DNAJC21: variants seen among roughly 807,000 people sequenced by gnomAD.
The protein encoded by DNAJC21 is dnaJ homolog subfamily C member 21.
A neutral mutation model predicts 72.4 loss-of-function variants in DNAJC21; 63 were observed. That is an observed-to-expected ratio of 0.87 (90% CI 0.71 to 1.07). The LOEUF (loss-of-function observed/expected upper bound fraction) is 1.07. DNAJC21 is among the 50% of genes least tolerant of loss of function. The pLI is 0.00. For missense variants in DNAJC21, 634 were observed against 644.8 expected (o/e 0.98, Z 0.18); for synonymous variants, 203 against 216.7 (o/e 0.94, Z 0.56).
chr5:34,935,428 G>T (rs1296037947), intron 2 of DNAJC21, among the ~76,000 whole-genome samples: 1 of 152,170 alleles, frequency 6.6e-6, no homozygotes, highest in Non-Finnish European at 1.5e-5. Flanking sequence ...GGAAGTACGG[G>T]ACTCAGAGAC....
At chr5:34,952,153 A>G (rs1247368369) in intron 10 of DNAJC21, 1 of 928,630 alleles carries the variant, frequency 1.1e-6, no homozygotes, top group Non-Finnish European at 1.3e-6. Flanking sequence ...GTGTGTGTAT[A>G]GTATTTTTAA....
intron 3 of DNAJC21, 113 bp downstream of exon 3, chr5:34,935,946 GA>G: frequency 6.8e-7 from 1 of 1,473,522 alleles, no homozygotes; most frequent in Non-Finnish European, 9.2e-7. Context: ...TGTTCATTTT[GA>G]AAACTGAAGA....
At chr5:34,947,631 A>AGT (rs999029927) in intron 9 of DNAJC21, among the ~76,000 whole-genome samples, 4 of 148,502 alleles carry the variant, frequency 2.7e-5, no homozygotes, top group Admixed American at 6.7e-5. Flanking sequence ...CAGCTTTATC[A>AGT]GTGTAGACAT....
chr5:34,952,959 G>T (rs1765425662), intron 10 of DNAJC21, among the ~76,000 whole-genome samples: 1 of 151,982 alleles, frequency 6.6e-6, no homozygotes, highest in African/African-American at 2.4e-5. Context: ...GACCATCCTG[G>T]CCAATATGGT....
At chr5:34,933,511 A>G (rs1764667533) in intron 1 of DNAJC21, among the ~76,000 whole-genome samples, 1 of 152,144 alleles carries the variant, frequency 6.6e-6, no homozygotes, top group East Asian at 1.9e-4. Context: ...CCTGACCTCA[A>G]GTAATCCACC....
In DNAJC21 at chr5:34,940,874, ATCT is replaced by A. The variant is rs1479610780; in HGVS notation, c.896-215_896-213del. 5.9e-5 allele frequency among the ~76,000 whole-genome samples: 9 copies of A among 152,212 alleles called. 1 individual carries two copies. The highest frequency in any genetic ancestry group is 3.3e-4 in the Admixed American group (5 of 15,276). On this transcript the variant is annotated intron_variant, in intron 6 of 11. Coordinates refer to ENST00000648817, the MANE Select transcript of DNAJC21 (RefSeq NM_001012339.3). ...ATCCAAGACTTTAAAGATGTTTTAT[ATCT>A]TCTTCTAAGTAGACTTAGGAAAAGA...
intron 5 of DNAJC21, 42 bp downstream of exon 5, chr5:34,937,672 G>A: frequency 1.3e-6 from 2 of 1,567,454 alleles, no homozygotes; most frequent in South Asian, 2.4e-5. Context: ...TATCGGTGGG[G>A]GTCAGAGGCA....
At chr5:34,950,057 C>T (rs1765308042) in intron 9 of DNAJC21, 113 bp from the exon 10 acceptor site, 2 of 1,205,556 alleles carry the variant, frequency 1.7e-6, no homozygotes, top group Non-Finnish European at 2.2e-6. Flanking sequence ...TCTTAACTTA[C>T]CTGCTTCTCC....
chr5:34,954,585 T>C lies in DNAJC21; in HGVS notation c.1467T>C (p.Ser489=). Residue 489 remains serine (S), a synonymous_variant, in exon 12 of 12, where the codon AGT becomes AGC. Transcript: ENST00000648817. ...SVLISCTTCH[S]EFPSRNKLFD... ...TTATCAGCTGTACAACCTGCCATAG[T>C]GAATTTCCATCTCGGAATAAACTTT... The C allele has an allele frequency of 6.2e-7, 1 of 1,613,152 alleles. No individual in the cohort carries two copies. The highest frequency in any genetic ancestry group is 1.1e-5 in the South Asian group (1 of 90,888).
chr5:34,954,543 C>A lies in DNAJC21; in HGVS notation c.1435-10C>A. On this transcript the variant is annotated splice_polypyrimidine_tract_variant and intron_variant, in intron 11 of 11. Coordinates refer to ENST00000648817, the MANE Select transcript of DNAJC21 (RefSeq NM_001012339.3). ...GCTTACTTTTATTTATGATTTTTTG[C>A]CCTTCTCAGAGTGTTCTTATCAGCT... 6.3e-7 allele frequency: 1 copy of A among 1,584,244 alleles called. No homozygotes were observed.
intron 1 of DNAJC21, among the ~76,000 whole-genome samples, chr5:34,933,420 C>T (rs1764664928): frequency 6.6e-6 from 1 of 152,128 alleles, no homozygotes; most frequent in South Asian, 2.1e-4. Flanking sequence ...TACAGGCATG[C>T]GCCACCACAC....
chr5:34,954,674 C>CA lies in DNAJC21; in HGVS notation c.1558dup (p.Ser520LysfsTer2), dbSNP rs1276195107. 2 of 1,611,428 alleles carry CA rather than the reference C, an allele frequency of 1.2e-6. No individual in the cohort carries two copies. Among genetic ancestry groups the CA allele is most frequent in the East Asian group, 4.5e-5 (2 of 44,704 alleles). On this transcript the variant is annotated frameshift_variant, in exon 12 of 12. Coordinates refer to ENST00000648817, the MANE Select transcript of DNAJC21 (RefSeq NM_001012339.3). LOFTEE classifies it high-confidence loss of function. ...TCATCATCGTCTTTAAACAGCGCAA[C>CA]AAGTAGTCAAAGCAAGAAAGAGAAA...
At chr5:34,944,384 A>T (rs966266475) in intron 7 of DNAJC21, among the ~76,000 whole-genome samples, 1 of 152,244 alleles carries the variant, frequency 6.6e-6, no homozygotes, top group Admixed American at 6.5e-5. Context: ...TAACATTAAA[A>T]TGTGTGTCTT....
intron 4 of DNAJC21, among the ~76,000 whole-genome samples, chr5:34,936,948 A>C (rs1201371559): frequency 6.6e-6 from 1 of 151,948 alleles, no homozygotes; most frequent in Non-Finnish European, 1.5e-5. Flanking sequence ...ACAGGATTTC[A>C]TCATGTTGGC....
At chr5:34,951,012 G>T (rs1376764622) in intron 10 of DNAJC21, 1 of 985,480 alleles carries the variant, frequency 1.0e-6, no homozygotes, top group Non-Finnish European at 1.2e-6. Context: ...ACCCTGAAAA[G>T]AATTAAAGTG....
At chr5:34,941,036 C>A in intron 6 of DNAJC21, 60 bp from the exon 7 acceptor site, 1 of 1,260,202 alleles carries the variant, frequency 7.9e-7, no homozygotes. Flanking sequence ...AATTTGTTAG[C>A]ATATTTTAGA....
intron 10 of DNAJC21, chr5:34,952,097 C>T (rs1765387470): frequency 1.0e-6 from 1 of 984,778 alleles, no homozygotes; most frequent in Non-Finnish European, 1.2e-6. Flanking sequence ...ACACTGGCCA[C>T]CTACTGAGAA....
In DNAJC21 at chr5:34,945,088, T is replaced by G. The variant is rs940588203; in HGVS notation, c.1142+63T>G. 37 of 1,548,798 alleles carry G rather than the reference T, an allele frequency of 2.4e-5. No individual in the cohort carries two copies. In the Middle Eastern group the frequency reaches 1.6e-3, roughly 67 times the overall value. ...CACATTCAGAGATTGCATTAAAAGG[T>G]TTTTTTTGAGATGGAGAATCACTCT... is the stretch of plus-strand genomic sequence containing the variant. On this transcript the variant is annotated intron_variant, in intron 8 of 11. Coordinates refer to ENST00000648817, the MANE Select transcript of DNAJC21 (RefSeq NM_001012339.3).
chr5:34,937,643 C>A lies in DNAJC21; in HGVS notation c.743+13C>A. ...TAAAGCAGGCCAAGTGCGTAGCGTG[C>A]GTGGGGCCCTCTTCTCAGTATCGGT... On this transcript the variant is annotated intron_variant, in intron 5 of 11. Transcript: ENST00000648817. 1.3e-6 allele frequency: 2 copies of A among 1,599,178 alleles called. No individual in the cohort carries two copies. The highest frequency in any genetic ancestry group is 1.1e-5 in the South Asian group (1 of 89,140).
Sources: allele counts gnomAD v4.1 joint callset (sites outside exome capture counted in the v4.1 genomes callset), GRCh38; gene constraint gnomAD v4.1.1; transcripts MANE v1.5; gene names NCBI Gene and HGNC (gene_info 2026-07-23, HGNC 2026-07-21).